The following RERE variants were observed in gnomAD, a reference collection of about 807,000 sequenced individuals.
The protein encoded by RERE is arginine-glutamic acid dipeptide repeats.
RERE carries 40 observed loss-of-function variants against 146.1 expected under a neutral mutation model. The ratio of observed to expected loss-of-function variants is 0.27; its 90% CI spans 0.21 to 0.36. RERE has a LOEUF of 0.36. Ranked by LOEUF, RERE falls within the 10% of genes least tolerant of loss-of-function variation. The pLI, the probability that RERE is intolerant of heterozygous loss-of-function variation, is 1.00. For missense variants in RERE, 1,933 were observed against 2,138.7 expected, an observed-to-expected ratio of 0.90 and a Z score of 1.90; for synonymous variants, 1,003 against 866.0, an observed-to-expected ratio of 1.16 and a Z score of -2.78.
chr1:8,686,194 G>A (rs1033336180), intron 1 of RERE, among the ~76,000 whole-genome samples: 2 of 152,014 alleles, frequency 1.3e-5, no homozygotes, highest in South Asian at 4.2e-4. Context: ...TGTTGCCCAG[G>A]ATGGTCTTGA....
chr1:8,415,664 C>T (rs1302049651), intron 12 of RERE, among the ~76,000 whole-genome samples: 2 of 152,216 alleles, frequency 1.3e-5, no homozygotes, highest in African/African-American at 2.4e-5. Flanking sequence ...AAGTCTCTTA[C>T]GTACTTCACT....
Position 8,756,994 on chromosome 1 carries a change from G to C in RERE, c.-145+60166C>G, listed in dbSNP as rs533411808. Among the ~76,000 whole-genome samples the C allele has an allele frequency of 3.3e-5, 5 of 151,372 alleles. No individual in the cohort carries two copies. In the East Asian group the frequency reaches 9.8e-4, roughly 30 times the overall value. On this transcript the variant is annotated intron_variant, in intron 1 of 22. Transcript: ENST00000400908. Reference sequence around the variant, plus strand: ...TAATCCCAGCTACTTGGGAGGTGAGGCAGGAGAATCACTTGAACCCAGGAG... The same window carrying C: ...TAATCCCAGCTACTTGGGAGGTGAGCCAGGAGAATCACTTGAACCCAGGAG...
chr1:8,489,636 C>T (rs952158235), intron 10 of RERE, among the ~76,000 whole-genome samples: 1 of 152,096 alleles, frequency 6.6e-6, no homozygotes, highest in African/African-American at 2.4e-5. Flanking sequence ...TACCAGACTA[C>T]ACATCCATTA....
intron 1 of RERE, among the ~76,000 whole-genome samples, chr1:8,698,483 C>T (rs1639380631): frequency 6.6e-6 from 1 of 152,150 alleles, no homozygotes; most frequent in Admixed American, 6.5e-5. Context: ...TTCAAATGCA[C>T]AGTATATTTA....
chr1:8,677,439 AAG>A (rs1638867028), intron 1 of RERE, among the ~76,000 whole-genome samples: 2 of 150,394 alleles, frequency 1.3e-5, no homozygotes, highest in African/African-American at 4.9e-5. Flanking sequence ...AAAAAAAAAA[AAG>A]AAAGAAAGAA....
intron 10 of RERE, among the ~76,000 whole-genome samples, chr1:8,470,487 T>G (rs992985378): frequency 6.6e-6 from 1 of 152,092 alleles, no homozygotes; most frequent in Non-Finnish European, 1.5e-5. Flanking sequence ...GGTCTTGAAC[T>G]GACCTCAGGT....
chr1:8,684,203 A>C (rs577467524), intron 1 of RERE, among the ~76,000 whole-genome samples: 2 of 152,360 alleles, frequency 1.3e-5, no homozygotes, highest in East Asian at 3.8e-4. Context: ...AAGCAGGACA[A>C]ATTTTTCATG....
At chr1:8,396,184 T>C (rs546283472) in intron 12 of RERE, among the ~76,000 whole-genome samples, 28 of 152,092 alleles carry the variant, frequency 1.8e-4, no homozygotes, top group Admixed American at 1.4e-3. Context: ...ATCAGGAAAG[T>C]GGGAGGGGGG....
intron 10 of RERE, among the ~76,000 whole-genome samples, chr1:8,474,624 G>A (rs1485055575): frequency 6.6e-6 from 1 of 152,170 alleles, no homozygotes; most frequent in African/African-American, 2.4e-5. Context: ...AGGCACCTCT[G>A]TTCTATAATG....
At chr1:8,453,667 G>A (rs1644414800) in intron 11 of RERE, among the ~76,000 whole-genome samples, 1 of 152,098 alleles carries the variant, frequency 6.6e-6, no homozygotes, top group Non-Finnish European at 1.5e-5. Context: ...TTAGCCGGGT[G>A]TGGTGACACA....
intron 7 of RERE, among the ~76,000 whole-genome samples, chr1:8,535,450 G>A (rs576545985): frequency 2.0e-5 from 3 of 152,130 alleles, no homozygotes; most frequent in Admixed American, 1.3e-4. Flanking sequence ...ATGTTCATAG[G>A]AACTACACAA....
chr1:8,765,021 A>C (rs1278810459), intron 1 of RERE, among the ~76,000 whole-genome samples: 2 of 152,238 alleles, frequency 1.3e-5, no homozygotes, highest in African/African-American at 4.8e-5. Context: ...AGAGAAATGC[A>C]AATACACATC....
intron 2 of RERE, among the ~76,000 whole-genome samples, chr1:8,628,191 T>G (rs747555104): frequency 1.2e-4 from 18 of 152,140 alleles, no homozygotes; most frequent in Non-Finnish European, 2.2e-4. Context: ...TCAAGTGAGC[T>G]CTATCAGTAC....
chr1:8,698,098 T>C (rs1315418592), intron 1 of RERE, among the ~76,000 whole-genome samples: 1 of 152,248 alleles, frequency 6.6e-6, no homozygotes, highest in Non-Finnish European at 1.5e-5. Flanking sequence ...TTAACATTTT[T>C]TAAATGTTTA....
At chr1:8,491,893 T>C (rs1305408827) in intron 10 of RERE, among the ~76,000 whole-genome samples, 1 of 152,198 alleles carries the variant, frequency 6.6e-6, no homozygotes, top group East Asian at 1.9e-4. Context: ...AAACAATAAA[T>C]GCTTTCCACA....
intron 1 of RERE, among the ~76,000 whole-genome samples, chr1:8,670,613 C>T (rs1019438926): frequency 8.5e-5 from 13 of 152,118 alleles, no homozygotes; most frequent in African/African-American, 2.7e-4. Context: ...TGGACCTAAA[C>T]GAAGCAAGGT....
At chr1:8,511,772 T>C (rs917311854) in intron 7 of RERE, 6 of 151,072 alleles carry the variant, frequency 4.0e-5, no homozygotes, top group Admixed American at 4.0e-4. Context: ...CTCTCTTTTT[T>C]CTTTTTCTTT....
At chr1:8,643,486 A>G (rs919473851) in intron 2 of RERE, among the ~76,000 whole-genome samples, 1 of 152,238 alleles carries the variant, frequency 6.6e-6, no homozygotes, top group Non-Finnish European at 1.5e-5. Flanking sequence ...TAAAAATGAA[A>G]GGACTTACGT....
intron 4 of RERE, among the ~76,000 whole-genome samples, chr1:8,575,389 T>TC (rs1570458920): frequency 6.6e-6 from 1 of 151,004 alleles, no homozygotes; most frequent in East Asian, 1.9e-4. Context: ...TAACCTTTTT[T>TC]TTTTTTTTTT....
Sources: gnomAD v4.1 joint callset for allele counts (sites outside exome capture counted in the v4.1 genomes callset) on GRCh38, gnomAD v4.1.1 for gene constraint, MANE v1.5 for transcripts, NCBI Gene and HGNC (gene_info 2026-07-23, HGNC 2026-07-21) for gene names.